The following ANK1 variants were observed in gnomAD, a reference collection of about 807,000 sequenced individuals.
ANK1 encodes the protein ankyrin-1.
A neutral mutation model predicts 210.4 loss-of-function variants in ANK1; 51 were observed. The observed-to-expected ratio is 0.24, with a 90% CI of 0.19 to 0.31. The LOEUF is 0.31. ANK1 is among the 10% of genes least tolerant of loss of function. The probability of loss-of-function intolerance (pLI) is 1.00; values close to 1 mark genes in which losing one functional copy is unlikely to be tolerated. For missense variants in ANK1, 2,051 were observed against 2,504.4 expected, an observed-to-expected ratio of 0.82 and a Z score of 3.86; for synonymous variants, 967 against 1,025.9, an observed-to-expected ratio of 0.94 and a Z score of 1.10.
chr8:41,723,789 TTTA>T (rs1563568789), intron 7 of ANK1, among the ~76,000 whole-genome samples, 156 bp from the exon 8 acceptor site: 2 of 149,870 alleles, frequency 1.3e-5, no homozygotes, highest in African/African-American at 4.9e-5. Flanking sequence ...TTTTTTATTT[TTTA>T]TTTTTTTTTT....
At chr8:41,705,085 T>A (rs576000074) in intron 18 of ANK1, among the ~76,000 whole-genome samples, 3 of 152,340 alleles carry the variant, frequency 2.0e-5, no homozygotes, top group Non-Finnish European at 4.4e-5. Flanking sequence ...TGCAAGGGCT[T>A]GGGACATTCG....
intron 1 of ANK1, among the ~76,000 whole-genome samples, chr8:41,781,444 G>T (rs751785911): frequency 6.6e-6 from 1 of 152,204 alleles, no homozygotes; most frequent in African/African-American, 2.4e-5. Context: ...AGCTGTGCAC[G>T]GTGCCTGCTG....
chr8:41,843,943 T>C (rs2150806826), intron 1 of ANK1, among the ~76,000 whole-genome samples: 1 of 152,318 alleles, frequency 6.6e-6, no homozygotes, highest in Middle Eastern at 3.4e-3. Flanking sequence ...GGTGCAATCA[T>C]GGCTCACTGC....
chr8:41,680,909 A>G (rs568704349), intron 37 of ANK1, among the ~76,000 whole-genome samples: 1 of 152,284 alleles, frequency 6.6e-6, no homozygotes, highest in South Asian at 2.1e-4. Flanking sequence ...TGGTAGTCTC[A>G]TGCAGCCCCA....
intron 7 of ANK1, 135 bp downstream of exon 7, chr8:41,724,321 G>A (rs1830122454): frequency 2.6e-6 from 2 of 770,638 alleles, no homozygotes; most frequent in Admixed American, 2.0e-5. Flanking sequence ...CTGCCAGCAA[G>A]GAGCCCGACC....
chr8:41,857,723 A>G (rs1812469222), intron 1 of ANK1, among the ~76,000 whole-genome samples: 1 of 142,554 alleles, frequency 7.0e-6, no homozygotes, highest in South Asian at 2.3e-4. Flanking sequence ...GGGCAACAAG[A>G]GCAAAACTCC....
chr8:41,838,574 T>C (rs1200480478), intron 1 of ANK1, among the ~76,000 whole-genome samples: 1 of 152,018 alleles, frequency 6.6e-6, no homozygotes, highest in Non-Finnish European at 1.5e-5. Context: ...GAGACCAGCC[T>C]GGCCAACATG....
chr8:41,803,095 A>AAAGGAAAGGAAAGGG (rs1850384498), intron 1 of ANK1, among the ~76,000 whole-genome samples: 3 of 50,934 alleles, frequency 5.9e-5, no homozygotes, highest in Admixed American at 5.8e-4. Context: ...GAAGGAAAGG[A>AAAGGAAAGGAAAGGG]AAGGAAAGGA....
chr8:41,751,403 T>C (rs909880529), intron 2 of ANK1, among the ~76,000 whole-genome samples: 1 of 152,114 alleles, frequency 6.6e-6, no homozygotes, highest in Non-Finnish European at 1.5e-5. Flanking sequence ...CCAAGCCACA[T>C]AGTAGGACCA....
At chr8:41,719,090 G>C (rs1828527310) in intron 10 of ANK1, among the ~76,000 whole-genome samples, 1 of 152,180 alleles carries the variant, frequency 6.6e-6, no homozygotes, top group African/African-American at 2.4e-5. Context: ...GTGGTTACAG[G>C]CATGCTTAGT....
chr8:41,827,540 A>G (rs1805599627), intron 1 of ANK1, among the ~76,000 whole-genome samples: 1 of 152,262 alleles, frequency 6.6e-6, no homozygotes. Context: ...TAGGTTAGAC[A>G]GGATTGCAAG....
intron 37 of ANK1, among the ~76,000 whole-genome samples, chr8:41,681,170 C>A (rs1359246753): frequency 6.6e-6 from 1 of 152,186 alleles, no homozygotes; most frequent in Non-Finnish European, 1.5e-5. Context: ...CAAGGCCACA[C>A]TTCACTAGCC....
chr8:41,662,421 T>C (rs182484419), intron 40 of ANK1, among the ~76,000 whole-genome samples: 192 of 152,312 alleles, frequency 1.3e-3, no homozygotes, highest in African/African-American at 4.4e-3. Flanking sequence ...TGGAAAACCC[T>C]CTGCTAGACA....
At chr8:41,830,318 C>T (rs571804624) in intron 1 of ANK1, among the ~76,000 whole-genome samples, 1 of 149,544 alleles carries the variant, frequency 6.7e-6, no homozygotes, top group East Asian at 1.9e-4. Context: ...ACATAGGCTA[C>T]TAGATAAGCA....
intron 1 of ANK1, among the ~76,000 whole-genome samples, chr8:41,807,380 C>T (rs186698225): frequency 6.6e-6 from 1 of 152,302 alleles, no homozygotes; most frequent in Admixed American, 6.5e-5. Context: ...TCTAACGTGG[C>T]TTTGAGTCAC....
chr8:41,745,735 G>T (rs1033858098), intron 2 of ANK1, among the ~76,000 whole-genome samples: 1 of 152,090 alleles, frequency 6.6e-6, no homozygotes, highest in African/African-American at 2.4e-5. Context: ...GTCTTGCTAT[G>T]TTGCCCAGGC....
chr8:41,717,473 C>G (rs908537600), intron 12 of ANK1, 131 bp downstream of exon 12: 13 of 876,576 alleles, frequency 1.5e-5, no homozygotes, highest in Non-Finnish European at 2.4e-5. Flanking sequence ...ATGTCCTCCC[C>G]CAGTCTGAAG....
chr8:41,675,445 CACA>C (rs1295502974), intron 37 of ANK1, among the ~76,000 whole-genome samples: 6 of 152,126 alleles, frequency 3.9e-5, no homozygotes, highest in African/African-American at 1.4e-4. Flanking sequence ...TTTTAATTGC[CACA>C]ACAACCACAT....
At chr8:41,693,417 CTTTTTTTTTTTTTTTTTT>C (rs71239074) in intron 29 of ANK1, among the ~76,000 whole-genome samples, 5 of 45,234 alleles carry the variant, frequency 1.1e-4, no homozygotes, top group African/African-American at 5.0e-4. Flanking sequence ...GGGGCATGGA[CTTTTTTTTTTTTTTTTTT>C]TTTTTTTTTT....
Sources: allele counts gnomAD v4.1 joint callset (sites outside exome capture counted in the v4.1 genomes callset), GRCh38; gene constraint gnomAD v4.1.1; transcripts MANE v1.5; gene names NCBI Gene and HGNC (gene_info 2026-07-23, HGNC 2026-07-21).